The following CAPN2 variants were observed in gnomAD, a reference collection of about 807,000 sequenced individuals.
CAPN2 encodes calpain-2 catalytic subunit.
Under a neutral mutation model 102.3 loss-of-function variants are expected in CAPN2, and 92 were observed. The observed-to-expected ratio is 0.90, with a 90% CI of 0.76 to 1.07. The LOEUF (loss-of-function observed/expected upper bound fraction) is 1.07, where lower values mean the gene tolerates loss of function less well. Among genes scored for constraint, CAPN2 ranks in the 50% least tolerant of loss-of-function variants. The pLI is 0.00. For missense variants in CAPN2, 800 were observed against 909.4 expected (o/e 0.88, Z 1.55); for synonymous variants, 340 against 355.4 (o/e 0.96, Z 0.49).
chr1:223,702,763 A>G (rs1659517089), intron 1 of CAPN2, among the ~76,000 whole-genome samples: 1 of 152,298 alleles, frequency 6.6e-6, no homozygotes, highest in South Asian at 2.1e-4. Context: ...GGAAATTAGA[A>G]GCATAGGAGT....
At chr1:223,761,480 C>A (rs753616387) in intron 12 of CAPN2, 101 bp from the exon 13 acceptor site, 77 of 895,178 alleles carry the variant, frequency 8.6e-5, no homozygotes, top group Non-Finnish European at 1.3e-4. Context: ...CCCCACCTAC[C>A]CCCTGCTGGA....
At position 223,717,840 on chromosome 1, in the gene CAPN2, T is replaced by C. The variant is rs1003756449; in HGVS notation, c.307+9T>C. 1 of 1,608,906 alleles carries C rather than the reference T, an allele frequency of 6.2e-7. No individual in the cohort carries two copies. The highest frequency in any genetic ancestry group is 8.5e-7 in the Non-Finnish European group (1 of 1,175,196). Reference sequence around the variant, plus strand: ...CTGCCAAGGAGCCCTGGGTAAGTGATAGATTCAGAGCAAGCTGGGGGATCT... The same window carrying C: ...CTGCCAAGGAGCCCTGGGTAAGTGACAGATTCAGAGCAAGCTGGGGGATCT... On this transcript the variant is annotated intron_variant, in intron 2 of 20. Transcript: ENST00000295006.
At chr1:223,743,984 C>T in intron 2 of CAPN2, 116 bp from the exon 3 acceptor site, 2 of 727,254 alleles carry the variant, frequency 2.8e-6, no homozygotes, top group Admixed American at 2.1e-5. Flanking sequence ...TGAAACTTCA[C>T]TCTGTCTATT....
At chr1:223,774,772 T>C (rs79795373) in intron 20 of CAPN2, 62 bp from the exon 21 acceptor site, 1 of 1,503,498 alleles carries the variant, frequency 6.7e-7, no homozygotes, top group African/African-American at 1.4e-5. Context: ...CTACAGGTAC[T>C]TAAATAGCCT....
intron 2 of CAPN2, among the ~76,000 whole-genome samples, chr1:223,741,552 T>G (rs1660617715): frequency 6.6e-6 from 1 of 151,118 alleles, no homozygotes; most frequent in South Asian, 2.1e-4. Flanking sequence ...CTTCCTGGAT[T>G]CAAGCGATTC....
At chr1:223,720,507 G>A (rs372158378) in intron 2 of CAPN2, among the ~76,000 whole-genome samples, 19 of 151,860 alleles carry the variant, frequency 1.3e-4, no homozygotes, top group African/African-American at 3.4e-4. Flanking sequence ...TGTATAGACC[G>A]GGTCTTGCCA....
At chr1:223,747,303 T>C in intron 5 of CAPN2, 138 bp downstream of exon 5, 1 of 745,046 alleles carries the variant, frequency 1.3e-6, no homozygotes. Context: ...AAGGAAAACC[T>C]CCCTCCACCC....
chr1:223,741,421 G>A (rs868235233), intron 2 of CAPN2, among the ~76,000 whole-genome samples: 3 of 128,502 alleles, frequency 2.3e-5, no homozygotes, highest in East Asian at 2.1e-4. Flanking sequence ...GCTGTAAAAT[G>A]TATATATATA....
rs1007089372 is a variant in CAPN2, at chr1:223,731,851, T to C, written c.308-12249T>C. On this transcript the variant is annotated intron_variant, in intron 2 of 20. Transcript: ENST00000295006. The surrounding 1 kb of genome is among the most constrained non-coding windows in gnomAD (Gnocchi z 4.2). ...AGCTCTGTGTTCTGCCTGCTCTTCC[T>C]CCAAGATGAGCTCCCTTGGCCAGTG... is the stretch of plus-strand genomic sequence containing the variant. 6.6e-6 allele frequency among the ~76,000 whole-genome samples: 1 copy of C among 152,234 alleles called. No homozygotes were observed. The highest frequency in any genetic ancestry group is 2.4e-5 in the African/African-American group (1 of 41,462).
chr1:223,703,213 G>A (rs2102764744), intron 1 of CAPN2, among the ~76,000 whole-genome samples: 1 of 152,274 alleles, frequency 6.6e-6, no homozygotes, highest in Non-Finnish European at 1.5e-5. Flanking sequence ...GAGTATCTTG[G>A]TGTCTCAGTT....
intron 2 of CAPN2, among the ~76,000 whole-genome samples, chr1:223,728,724 G>T (rs764660566): frequency 3.3e-5 from 5 of 152,192 alleles, no homozygotes; most frequent in Non-Finnish European, 5.9e-5. Context: ...TTTGCGGGGT[G>T]GGGAGGATGT....
upstream of CAPN2, among the ~76,000 whole-genome samples, chr1:223,711,496 A>G (rs892501614): frequency 9.2e-5 from 14 of 152,382 alleles, no homozygotes; most frequent in African/African-American, 3.1e-4. Context: ...TTTTAGAATA[A>G]GTATGTATGC....
chr1:223,766,287 A>G, intron 15 of CAPN2, 80 bp from the exon 16 acceptor site: 1 of 1,045,046 alleles, frequency 9.6e-7, no homozygotes, highest in Non-Finnish European at 1.5e-6. Context: ...ACAGATAAAG[A>G]ATATCTCCAT....
rs1660349000 is a variant in CAPN2 at position 223,731,999 on chromosome 1, A to G, written c.308-12101A>G. ...AGAGGGTTTTATTCCTGACCAGGAG[A>G]AAGAGAAGGAGGGGGCTCTTGCTCT... On this transcript the variant is annotated intron_variant, in intron 2 of 20. Coordinates refer to ENST00000295006, the MANE Select transcript of CAPN2 (RefSeq NM_001748.5). This position sits in a 1 kb window ranked among gnomAD's most constrained non-coding sequence, Gnocchi z 4.2. 6.6e-6 allele frequency among the ~76,000 whole-genome samples: 1 copy of G among 152,222 alleles called. No homozygotes were observed. The highest frequency in any genetic ancestry group is 1.5e-5 in the Non-Finnish European group (1 of 68,038).
chr1:223,716,898 A>C (rs1384776179), intron 1 of CAPN2, among the ~76,000 whole-genome samples: 2 of 152,108 alleles, frequency 1.3e-5, no homozygotes, highest in Non-Finnish European at 2.9e-5. Flanking sequence ...AATCAATTAG[A>C]GGCAGGGCAG....
At chr1:223,761,468 C>T in intron 12 of CAPN2, 113 bp from the exon 13 acceptor site, 2 of 796,680 alleles carry the variant, frequency 2.5e-6, no homozygotes, top group Non-Finnish European at 4.1e-6. Context: ...AGCCCTGCCC[C>T]ACCCCACCTA....
rs114008899 is a variant in CAPN2 at position 223,732,139 on chromosome 1, C to T, written c.308-11961C>T. On this transcript the variant is annotated intron_variant, in intron 2 of 20. Coordinates refer to ENST00000295006, the MANE Select transcript of CAPN2 (RefSeq NM_001748.5). ...CGGTGTGGGGGTGGAGACCTCTAGA[C>T]GCTCAGGCCCAGGTCATAAACATGC... Among the ~76,000 whole-genome samples the T allele has an allele frequency of 4.8e-3, 727 of 152,148 alleles. 5 individuals are homozygous for T. The highest frequency in any genetic ancestry group is 0.017 in the African/African-American group (701 of 41,488).
At chr1:223,771,977 G>A (rs763209658) in intron 19 of CAPN2, 52 bp downstream of exon 19, 5 of 1,340,862 alleles carry the variant, frequency 3.7e-6, no homozygotes, top group Non-Finnish European at 5.4e-6. Context: ...GTATTAAAGT[G>A]GCCTGCCTTT....
intron 8 of CAPN2, 141 bp from the exon 9 acceptor site, chr1:223,752,655 C>A: frequency 1.4e-6 from 1 of 700,782 alleles, no homozygotes; most frequent in Non-Finnish European, 2.4e-6. Flanking sequence ...CCTTCTGATT[C>A]TGAACCTGGT....
Sources: allele counts gnomAD v4.1 joint callset (sites outside exome capture counted in the v4.1 genomes callset), GRCh38; gene constraint gnomAD v4.1.1; non-coding constraint Gnocchi (gnomAD v3.1); transcripts MANE v1.5; gene names NCBI Gene and HGNC (gene_info 2026-07-23, HGNC 2026-07-21).